Variants in ORC3 observed in about 807,000 individuals in gnomAD.
ORC3 encodes the protein origin recognition complex subunit 3, also known as homolog of latheo, Drosophila.
In ORC3, 78 loss-of-function variants were observed where a neutral mutation model predicts 100.7. The observed-to-expected ratio is 0.77, with a 90% CI of 0.65 to 0.94. ORC3 has a LOEUF of 0.94. ORC3 is among the 40% of genes least tolerant of loss of function. The pLI, the probability that ORC3 is intolerant of heterozygous loss-of-function variation, is 0.00. For missense variants in ORC3, 789 were observed against 823.9 expected, an observed-to-expected ratio of 0.96 and a Z score of 0.52; for synonymous variants, 295 against 289.3, an observed-to-expected ratio of 1.02 and a Z score of -0.20.
chr6:87,673,126 A>C, the ORC3 span, among the ~76,000 whole-genome samples: 3 of 150,898 alleles, frequency 2.0e-5, no homozygotes, highest in Non-Finnish European at 4.4e-5. Flanking sequence ...GATAATGCAG[A>C]AATTTGGCTG....
In ORC3 at chr6:87,667,434, G is replaced by A. The variant is rs149159300; in HGVS notation, c.*311G>A. 1.4e-4 allele frequency: 31 copies of A among 224,400 alleles called. No individual in the cohort carries two copies. The highest frequency in any genetic ancestry group is 1.7e-4 in the Non-Finnish European group (20 of 116,164). 13.9% of individuals were successfully genotyped at this position (224,400 alleles called of 1,614,324 possible). On this transcript the variant is annotated 3_prime_UTR_variant, in exon 20 of 20. Coordinates refer to ENST00000392844, the MANE Select transcript of ORC3 (RefSeq NM_012381.4). The stretch of plus-strand genomic sequence containing the variant: ...AGAGTATGTAAATGTAATAAATTCC[G>A]TTATCCAGGAGTATAAATTATTTGC...
chr6:87,653,165 G>GTT lies in ORC3; in HGVS notation c.1436_1437dup (p.Lys480LeufsTer16), dbSNP rs749799641. The stretch of plus-strand genomic sequence containing the variant: ...GACCATACTTGAGAAATGTTTCAAG[G>GTT]TTTTTAAGTCTTATTGTGAAAACCA... On this transcript the variant is annotated frameshift_variant, in exon 14 of 20. Coordinates refer to ENST00000392844, the MANE Select transcript of ORC3 (RefSeq NM_012381.4). LOFTEE classifies it high-confidence loss of function. The GTT allele has an allele frequency of 4.3e-6, 7 of 1,613,722 alleles. No homozygotes were observed. The highest frequency in any genetic ancestry group is 5.1e-6 in the Non-Finnish European group (6 of 1,179,704).
At chr6:87,632,750 G>A (rs1271620093) in intron 11 of ORC3, among the ~76,000 whole-genome samples, 1 of 152,154 alleles carries the variant, frequency 6.6e-6, no homozygotes, top group Non-Finnish European at 1.5e-5. Flanking sequence ...TGTAATCCCA[G>A]CTACTCAGGA....
At chr6:87,626,950 A>G (rs1204360022) in intron 11 of ORC3, among the ~76,000 whole-genome samples, 1 of 152,078 alleles carries the variant, frequency 6.6e-6, no homozygotes, top group Non-Finnish European at 1.5e-5. Flanking sequence ...TTCACTCATA[A>G]AAATTAAGAT....
chr6:87,616,787 G>A (rs917941121), intron 9 of ORC3, among the ~76,000 whole-genome samples: 6 of 151,826 alleles, frequency 4.0e-5, no homozygotes, highest in Non-Finnish European at 5.9e-5. Context: ...TAAAGGGCCA[G>A]ATATTAAACA....
intron 9 of ORC3, among the ~76,000 whole-genome samples, chr6:87,618,097 C>T (rs958285294): frequency 6.6e-6 from 1 of 152,118 alleles, no homozygotes; most frequent in Non-Finnish European, 1.5e-5. Flanking sequence ...CTATGCTGAA[C>T]CCTGAAGATA....
At chr6:87,647,530 T>C (rs1344536301) in intron 13 of ORC3, among the ~76,000 whole-genome samples, 1 of 152,218 alleles carries the variant, frequency 6.6e-6, no homozygotes, top group Non-Finnish European at 1.5e-5. Flanking sequence ...CTGTTCAATA[T>C]TTTTCCATAA....
chr6:87,591,049 TTAAAA>T (rs1340495378), intron 1 of ORC3, among the ~76,000 whole-genome samples: 8 of 152,160 alleles, frequency 5.3e-5, no homozygotes, highest in Admixed American at 1.3e-4. Context: ...TAAATTTGAG[TTAAAA>T]TAAAGTAAGA....
At chr6:87,631,569 G>A (rs62417718) in intron 11 of ORC3, among the ~76,000 whole-genome samples, 1 of 151,800 alleles carries the variant, frequency 6.6e-6, no homozygotes, top group Non-Finnish European at 1.5e-5. Flanking sequence ...CTTGGCTCAC[G>A]GCAACCTCCG....
intron 2 of ORC3, among the ~76,000 whole-genome samples, chr6:87,595,693 A>C (rs1317253061): frequency 6.6e-6 from 1 of 152,200 alleles, no homozygotes; most frequent in Admixed American, 6.5e-5. Flanking sequence ...AATTTGTTAA[A>C]TTATTGAGTT....
chr6:87,603,424 T>G lies in ORC3; in HGVS notation c.218T>G (p.Leu73Arg), dbSNP rs1326069083. Residue 73 changes from leucine to arginine, a missense_variant, in exon 4 of 20, where the codon CTG (leucine) becomes CGG (arginine). Around this residue, in one of 3 missense-constraint regions of ORC3, gnomAD observed 399 missense variants for 382.0 expected, o/e 1.04. Coordinates refer to ENST00000392844, the MANE Select transcript of ORC3 (RefSeq NM_012381.4). ...EELNKNLFDNLIEFLQKSHSG... is the reference protein window; with the variant it reads ...EELNKNLFDNRIEFLQKSHSG... ...TTAAATAAAAACTTGTTTGACAATC[T>G]GATTGAATTTCTGCAAAAATCACAT... is the stretch of plus-strand genomic sequence containing the variant. The G allele has an allele frequency of 1.3e-6, 2 of 1,529,428 alleles. No homozygotes were observed. Among genetic ancestry groups the G allele is most frequent in the East Asian group, 2.3e-5 (1 of 44,064 alleles). The allele number at this position is 1,529,428 out of a possible 1,614,324, so 94.7% of individuals were successfully genotyped here. A position where few individuals can be genotyped will look rare whatever the true frequency, so the allele number is the denominator to read the frequency against.
At chr6:87,604,504 C>A (rs546715432) in intron 4 of ORC3, among the ~76,000 whole-genome samples, 1 of 152,166 alleles carries the variant, frequency 6.6e-6, no homozygotes, top group Non-Finnish European at 1.5e-5. Flanking sequence ...AACTGAGGCC[C>A]AGTGATGGCC....
At chr6:87,593,951 T>G (rs760833646) in intron 1 of ORC3, among the ~76,000 whole-genome samples, 28 of 152,258 alleles carry the variant, frequency 1.8e-4, no homozygotes, top group Non-Finnish European at 3.5e-4. Flanking sequence ...CGCCTTGGCC[T>G]CCCAGAGTGC....
the ORC3 span, chr6:87,677,751 A>G: frequency 2.6e-6 from 4 of 1,528,036 alleles, no homozygotes; most frequent in Non-Finnish European, 3.6e-6. Context: ...GTGAAATTAA[A>G]GTACACGTGG....
chr6:87,663,228 G>A, intron 17 of ORC3, 84 bp downstream of exon 17: 1 of 1,071,688 alleles, frequency 9.3e-7, no homozygotes, highest in Non-Finnish European at 1.4e-6. Context: ...TTGCAGTTAT[G>A]TTTTAATGAG....
At chr6:87,593,363 A>G (rs1562312404) in intron 1 of ORC3, among the ~76,000 whole-genome samples, 2 of 152,214 alleles carry the variant, frequency 1.3e-5, no homozygotes, top group Admixed American at 6.5e-5. Context: ...GCTTGAAGGC[A>G]CTCACAGTCT....
intron 17 of ORC3, 36 bp downstream of exon 17, chr6:87,663,180 C>A: frequency 6.4e-7 from 1 of 1,552,532 alleles, no homozygotes; most frequent in Non-Finnish European, 8.9e-7. Flanking sequence ...TAGTTTAGCT[C>A]AGACTCTGGG....
At chr6:87,676,596 A>AACACACACACACACACACACACACAC in the ORC3 span, among the ~76,000 whole-genome samples, 130 of 142,142 alleles carry the variant, frequency 9.1e-4, 1 homozygote, top group South Asian at 1.8e-3. Context: ...CTCTACTAAA[A>AACACACACACACACACACACACACAC]ACACACACAC....
intron 8 of ORC3, among the ~76,000 whole-genome samples, chr6:87,614,449 G>A (rs1310889558): frequency 2.6e-5 from 4 of 152,182 alleles, no homozygotes; most frequent in Non-Finnish European, 2.9e-5. Flanking sequence ...ATTAACGTTT[G>A]GCTCTTTGTT....
Sources: allele counts gnomAD v4.1 joint callset (sites outside exome capture counted in the v4.1 genomes callset), GRCh38; gene constraint gnomAD v4.1.1; regional missense constraint gnomAD v4.1.1; transcripts MANE v1.5; gene names NCBI Gene and HGNC (gene_info 2026-07-23, HGNC 2026-07-21).